Variants in PPP4R4 observed in about 807,000 individuals in gnomAD.
PPP4R4 encodes the protein serine/threonine-protein phosphatase 4 regulatory subunit 4.
Under a neutral mutation model 121.8 loss-of-function variants are expected in PPP4R4, and 70 were observed. That is an observed-to-expected ratio of 0.57 (90% CI 0.47 to 0.70). PPP4R4 has a LOEUF of 0.70. Among genes scored for constraint, PPP4R4 ranks in the 30% least tolerant of loss-of-function variants. The pLI, the probability that PPP4R4 is intolerant of heterozygous loss-of-function variation, is 0.00. For missense variants in PPP4R4, 875 were observed against 1,033.6 expected, an observed-to-expected ratio of 0.85 and a Z score of 2.10; for synonymous variants, 348 against 355.7, an observed-to-expected ratio of 0.98 and a Z score of 0.24.
chr14:94,240,902 A>T, intron 9 of PPP4R4, 107 bp downstream of exon 9: 3 of 1,279,344 alleles, frequency 2.3e-6, no homozygotes, highest in Non-Finnish European at 3.0e-6. Context: ...CCTAACTCTT[A>T]AGTATATAAA....
chr14:94,275,493 A>G lies in PPP4R4; in HGVS notation c.2569A>G (p.Lys857Glu), dbSNP rs568733408. 1 of 1,614,106 alleles carries G rather than the reference A, an allele frequency of 6.2e-7. No homozygotes were observed. The highest frequency in any genetic ancestry group is 1.7e-5 in the Admixed American group (1 of 60,022). The change falls in exon 24 of 25, where the codon AAA (lysine) becomes GAA (glutamate). Residue 857 changes from lysine (K) to glutamate (E), a missense_variant. Coordinates refer to ENST00000304338, the MANE Select transcript of PPP4R4 (RefSeq NM_058237.2). ...AGTTGACCCCAAGAGCAGTGGAAGTAAAGATACACAACCACGGAAGGCTAC... is the reference window on the plus strand; with the variant it reads ...AGTTGACCCCAAGAGCAGTGGAAGTGAAGATACACAACCACGGAAGGCTAC... ...NSVDPKSSGS[K>E]DTQPRKATLK... is the part of the protein sequence containing the mutation.
intron 15 of PPP4R4, among the ~76,000 whole-genome samples, chr14:94,250,672 T>C (rs1336206167): frequency 6.6e-6 from 1 of 151,956 alleles, no homozygotes; most frequent in Non-Finnish European, 1.5e-5. Context: ...GTTGATAGTA[T>C]ATTTGAATAT....
chr14:94,258,989 T>C (rs780652596), intron 18 of PPP4R4, among the ~76,000 whole-genome samples, 165 bp downstream of exon 18: 9 of 152,124 alleles, frequency 5.9e-5, no homozygotes, highest in Non-Finnish European at 1.0e-4. Context: ...GAGGAGCAAG[T>C]CACATCTTAC....
intron 18 of PPP4R4, 52 bp downstream of exon 18, chr14:94,258,876 A>G (rs774082384): frequency 2.7e-6 from 4 of 1,462,448 alleles, no homozygotes; most frequent in Non-Finnish European, 3.8e-6. Context: ...ATGCTGCTGA[A>G]AAAGACATAC....
chr14:94,242,298 G>C lies in PPP4R4; in HGVS notation c.1156G>C (p.Val386Leu), dbSNP rs375901472. 4.3e-6 allele frequency: 7 copies of C among 1,611,288 alleles called. No individual in the cohort carries two copies. The highest frequency in any genetic ancestry group is 5.9e-6 in the Non-Finnish European group (7 of 1,178,276). ...NCAYNFPAMI[V>L]FVDPKNFHME... ...CTTCCACCTCCACCAGGCCATGATT[G>C]TTTTTGTTGATCCTAAAAACTTCCA... The change falls in exon 11 of 25, where the codon GTT (valine) becomes CTT (leucine). Residue 386 changes from valine to leucine, a missense_variant. By Grantham distance (32) the Val-to-Leu change is conservative. Coordinates refer to ENST00000304338, the MANE Select transcript of PPP4R4 (RefSeq NM_058237.2).
intron 23 of PPP4R4, among the ~76,000 whole-genome samples, chr14:94,270,862 G>A (rs1894284817): frequency 6.7e-6 from 1 of 150,318 alleles, no homozygotes; most frequent in Non-Finnish European, 1.5e-5. Flanking sequence ...AGGTTGCAGT[G>A]AGCCAAGATC....
chr14:94,241,689 G>A (rs1892644198), intron 9 of PPP4R4, 99 bp from the exon 10 acceptor site: 2 of 850,692 alleles, frequency 2.4e-6, no homozygotes, highest in South Asian at 4.0e-5. Flanking sequence ...ATTTATTTAA[G>A]TATTTGGCTC....
chr14:94,187,479 A>G lies in PPP4R4; in HGVS notation c.191+11352A>G, dbSNP rs144518489. 5.7e-3 allele frequency among the ~76,000 whole-genome samples: 867 copies of G among 152,306 alleles called. 5 individuals carry two copies. The highest frequency in any genetic ancestry group is 9.4e-3 in the Non-Finnish European group (641 of 68,022). ...CACAAACATTGCAAAGTTAGTATAG[A>G]AAGTTCCTATATATCTTCCACCAGT... On this transcript the variant is annotated intron_variant, in intron 2 of 24. Coordinates refer to ENST00000304338, the MANE Select transcript of PPP4R4 (RefSeq NM_058237.2).
chr14:94,234,231 G>C (rs1213397634), intron 6 of PPP4R4, among the ~76,000 whole-genome samples: 1 of 152,140 alleles, frequency 6.6e-6, no homozygotes, highest in East Asian at 1.9e-4. Flanking sequence ...TTATAATTAT[G>C]ATACAAGAGT....
intron 1 of PPP4R4, 94 bp downstream of exon 1, chr14:94,174,676 C>T: frequency 6.7e-7 from 1 of 1,500,682 alleles, no homozygotes; most frequent in South Asian, 1.3e-5. Flanking sequence ...CCACCCTCCC[C>T]TCCTCCGGGC....
Position 94,245,616 on chromosome 14 carries a change from A to G in PPP4R4, c.1374A>G (p.Pro458=), listed in dbSNP as rs746007028. Residue 458 remains proline (P), a synonymous_variant, in exon 13 of 25, where the codon CCA becomes CCG. Transcript: ENST00000304338. The stretch of plus-strand genomic sequence containing the variant: ...TAGATGCTCTTATAGATCATCTTCC[A>G]GAAATCTTGGAACTTATGTCTACTG... ...EVLDALIDHL[P]EILELMSTGG... is the part of the protein sequence containing the mutation. 4.4e-6 allele frequency: 7 copies of G among 1,598,192 alleles called. No individual in the cohort carries two copies. Among genetic ancestry groups the G allele is most frequent in the East Asian group, 4.5e-5 (2 of 44,606 alleles).
intron 3 of PPP4R4, among the ~76,000 whole-genome samples, chr14:94,226,830 A>G (rs1891732837): frequency 6.6e-6 from 1 of 152,184 alleles, no homozygotes; most frequent in African/African-American, 2.4e-5. Context: ...CATGATAAAT[A>G]TATTTTTCAG....
rs79432453 is a variant in PPP4R4, at chr14:94,182,695, C to T, written c.191+6568C>T. 5.9e-5 allele frequency among the ~76,000 whole-genome samples: 9 copies of T among 152,206 alleles called. No homozygotes were observed. The East Asian group carries it at 1.7e-3, about 29-fold the overall frequency. ...GCTGATGGACATTTGGCTTAGTTTT[C>T]AGTTTGGGGCTTTTATGAATAATGC... On this transcript the variant is annotated intron_variant, in intron 2 of 24. Transcript: ENST00000304338.
Position 94,201,934 on chromosome 14 carries a change from G to T in PPP4R4, c.192-6530G>T, listed in dbSNP as rs184688663. ...GAGTAGATAAAGAAAATGTGTGTGT[G>T]TATATATATAAATATATATATATAC... is the stretch of plus-strand genomic sequence containing the variant. On this transcript the variant is annotated intron_variant, in intron 2 of 24. Coordinates refer to ENST00000304338, the MANE Select transcript of PPP4R4 (RefSeq NM_058237.2). Among the ~76,000 whole-genome samples the T allele has an allele frequency of 6.9e-3, 1,014 of 147,722 alleles. 11 individuals are homozygous for T. Among genetic ancestry groups the T allele is most frequent in the African/African-American group, 0.024 (906 of 38,452 alleles).
At position 94,234,460 on chromosome 14, in the gene PPP4R4, T is replaced by A. The variant is rs781124565; in HGVS notation, c.624-102T>A. On this transcript the variant is annotated intron_variant, in intron 6 of 24. Transcript: ENST00000304338. ...ATTATTTTTTTTCTATTAAAGTACATTTGTTATTATTAAGGTGAGTTAAGA... is the reference window on the plus strand; with the variant it reads ...ATTATTTTTTTTCTATTAAAGTACAATTGTTATTATTAAGGTGAGTTAAGA... 60 of 698,772 alleles carry A rather than the reference T, an allele frequency of 8.6e-5. 1 individual carries two copies. Among genetic ancestry groups the A allele is most frequent in the Non-Finnish European group, 1.1e-4 (46 of 417,948 alleles). The allele number at this position is 698,772 out of a possible 1,614,324, so 43.3% of individuals were successfully genotyped here.
At chr14:94,176,664 C>G (rs1438879623) in intron 2 of PPP4R4, among the ~76,000 whole-genome samples, 2 of 152,176 alleles carry the variant, frequency 1.3e-5, no homozygotes, top group East Asian at 3.8e-4. Context: ...ATCTCACAGG[C>G]TCTACAGAAT....
At chr14:94,207,714 A>ATC (rs1890535463) in intron 2 of PPP4R4, among the ~76,000 whole-genome samples, 4 of 151,400 alleles carry the variant, frequency 2.6e-5, no homozygotes, top group African/African-American at 7.3e-5. Flanking sequence ...ATCTATCTAT[A>ATC]TATATATATG....
chr14:94,232,302 C>T (rs1373212576), intron 5 of PPP4R4, among the ~76,000 whole-genome samples: 2 of 152,060 alleles, frequency 1.3e-5, no homozygotes, highest in Non-Finnish European at 2.9e-5. Context: ...AATGAAATGT[C>T]CTCTACTGAC....
chr14:94,275,293 T>A, intron 23 of PPP4R4, 81 bp from the exon 24 acceptor site: 1 of 1,448,826 alleles, frequency 6.9e-7, no homozygotes, highest in Non-Finnish European at 9.5e-7. Context: ...AAAAGTTAGC[T>A]ATCATTAACC....
Sources: gnomAD v4.1 joint callset for allele counts (sites outside exome capture counted in the v4.1 genomes callset) on GRCh38, gnomAD v4.1.1 for gene constraint, MANE v1.5 for transcripts, NCBI Gene and HGNC (gene_info 2026-07-23, HGNC 2026-07-21) for gene names.